Variants in AADAT observed in about 807,000 individuals in gnomAD.
The protein encoded by AADAT is aminoadipate aminotransferase, also known as kynurenine/alpha-aminoadipate aminotransferase, mitochondrial.
Under a neutral mutation model 56.2 loss-of-function variants are expected in AADAT, and 25 were observed. The ratio of observed to expected loss-of-function variants is 0.44; its 90% confidence interval spans 0.32 to 0.62. The LOEUF is 0.62. AADAT is among the 20% of genes least tolerant of loss of function. AADAT has a pLI of 0.04. For missense variants in AADAT, 387 were observed against 510.5 expected, an observed-to-expected ratio of 0.76 and a Z score of 2.33; for synonymous variants, 173 against 164.7, an observed-to-expected ratio of 1.05 and a Z score of -0.39.
intron 4 of AADAT, among the ~76,000 whole-genome samples, chr4:170,077,851 T>C (rs967891505): frequency 1.2e-4 from 19 of 152,362 alleles, no homozygotes; most frequent in African/African-American, 4.6e-4. Flanking sequence ...TTGAGTCTTT[T>C]CTTTCTGGGG....
intron 1 of AADAT, 88 bp from the exon 2 acceptor site, chr4:170,088,652 T>C: frequency 7.3e-7 from 1 of 1,375,420 alleles, no homozygotes; most frequent in African/African-American, 1.4e-5. Flanking sequence ...AATAAAACTA[T>C]AAAGTTTAAC....
chr4:170,091,976 A>C (rs937774610), upstream of AADAT, among the ~76,000 whole-genome samples: 1 of 152,208 alleles, frequency 6.6e-6, no homozygotes, highest in Admixed American at 6.5e-5. Flanking sequence ...GTATCTAACT[A>C]ATCTAGTGGG....
rs1179017809 is a variant in AADAT, at chr4:170,069,178, G to T, written c.773C>A (p.Ala258Asp). The T allele has an allele frequency of 6.2e-7, 1 of 1,613,928 alleles. No individual in the cohort carries two copies. The highest frequency in any genetic ancestry group is 8.5e-7 in the Non-Finnish European group (1 of 1,179,924). The change falls in exon 7 of 13, where the codon GCT (alanine) becomes GAT (aspartate). Residue 258 changes from alanine (A) to aspartate (D), a missense_variant. Physicochemically the swap from Ala to Asp is moderately radical, Grantham distance 126. Transcript: ENST00000337664. Reference sequence around the variant, plus strand: ...GGAAATGATTTTTGAAAAAGAGTCAGCTCTGATGACACGTCCATCAACATC... The same window carrying T: ...GGAAATGATTTTTGAAAAAGAGTCATCTCTGATGACACGTCCATCAACATC... ...SMDVDGRVIR[A>D]DSFSKIISSG...
upstream of AADAT, among the ~76,000 whole-genome samples, chr4:170,093,305 C>T (rs992446451): frequency 5.3e-5 from 8 of 152,184 alleles, no homozygotes; most frequent in East Asian, 1.9e-4. Flanking sequence ...TGGCAGATGC[C>T]TGTAATCTCA....
chr4:170,080,797 G>C (rs1293898959), intron 3 of AADAT, among the ~76,000 whole-genome samples: 2 of 152,072 alleles, frequency 1.3e-5, no homozygotes, highest in Admixed American at 1.3e-4. Flanking sequence ...GATTTACTAA[G>C]CAAATATATC....
At chr4:170,077,772 A>G (rs536133611) in intron 4 of AADAT, among the ~76,000 whole-genome samples, 6 of 152,330 alleles carry the variant, frequency 3.9e-5, no homozygotes, top group Middle Eastern at 3.4e-3. Context: ...AAGGTCATGT[A>G]CAAATAAATC....
In AADAT at chr4:170,062,290, C is replaced by T. The variant is rs1009908985; in HGVS notation, c.1135-297G>A. Among the ~76,000 whole-genome samples the T allele has an allele frequency of 1.3e-4, 20 of 152,164 alleles. 1 individual carries two copies. On this transcript the variant is annotated intron_variant, in intron 11 of 12. Transcript: ENST00000337664. ...AATTTCAGCTTTAATGTAGAAAGGA[C>T]AGCTTCCTAAAGAAAGATAAATGGT...
intron 4 of AADAT, among the ~76,000 whole-genome samples, chr4:170,075,826 A>G (rs1298805922): frequency 3.3e-5 from 5 of 152,244 alleles, no homozygotes; most frequent in Admixed American, 3.3e-4. Flanking sequence ...GATGTTTCAT[A>G]TAATTGGAAT....
In AADAT at chr4:170,064,904, T is replaced by G. The variant is rs1188887304; in HGVS notation, c.1028-79A>C. On this transcript the variant is annotated intron_variant, in intron 10 of 12. Coordinates refer to ENST00000337664, the MANE Select transcript of AADAT (RefSeq NM_016228.4). ...TATCAAAGTGTGTTGTTAAATGGCA[T>G]AAGTATAGTAAGTAGAAACTAGTAT... 3 of 1,169,106 alleles carry G rather than the reference T, an allele frequency of 2.6e-6. No individual in the cohort carries two copies. In the African/African-American group the frequency reaches 4.8e-5, roughly 19 times the overall value. The allele number at this position is 1,169,106 out of a possible 1,614,324, so 72.4% of individuals were successfully genotyped here.
At chr4:170,094,191 G>A (rs972337966), upstream of AADAT, among the ~76,000 whole-genome samples, 2 of 152,218 alleles carry the variant, frequency 1.3e-5, no homozygotes, top group African/African-American at 4.8e-5. Context: ...AGGGGCACTG[G>A]GGGGTCATGA....
chr4:170,074,364 C>T (rs1460379206), intron 4 of AADAT, among the ~76,000 whole-genome samples: 1 of 151,896 alleles, frequency 6.6e-6, no homozygotes, highest in African/African-American at 2.4e-5. Context: ...CTTCCTGACT[C>T]CCCCCAGCAG....
Position 170,089,875 on chromosome 4 carries a change from G to T in AADAT, c.-185C>A. Reference sequence around the variant, plus strand: ...GAACGCCGCCGAAACTCCCCGGCTGGACGCTGCGTTCGGTCTCCCGGTCCT... The same window carrying T: ...GAACGCCGCCGAAACTCCCCGGCTGTACGCTGCGTTCGGTCTCCCGGTCCT... On this transcript the variant is annotated 5_prime_UTR_variant, in exon 1 of 13. Transcript: ENST00000337664. 1.6e-6 allele frequency: 1 copy of T among 620,820 alleles called. No individual in the cohort carries two copies. The highest frequency in any genetic ancestry group is 2.8e-5 in the Admixed American group (1 of 35,932). 38.5% of individuals were successfully genotyped at this position (620,820 alleles called of 1,614,324 possible).
At chr4:170,090,257 C>T (rs1024278949), upstream of AADAT, 1 of 152,218 alleles carries the variant, frequency 6.6e-6, no homozygotes, top group Non-Finnish European at 1.5e-5. Flanking sequence ...GATCCTAATC[C>T]TCGGGAACCA....
At chr4:170,088,199 C>T (rs1466007096) in intron 2 of AADAT, among the ~76,000 whole-genome samples, 197 bp downstream of exon 2, 1 of 151,846 alleles carries the variant, frequency 6.6e-6, no homozygotes, top group Non-Finnish European at 1.5e-5. Context: ...TTCCCCAGAC[C>T]TTCCTAACCA....
Position 170,069,141 on chromosome 4 carries a change from G to A in AADAT, c.803+7C>T, listed in dbSNP as rs775047106. 6 of 1,612,390 alleles carry A rather than the reference G, an allele frequency of 3.7e-6. No individual in the cohort carries two copies. The Admixed American group carries it at 6.7e-5, about 18-fold the overall frequency. On this transcript the variant is annotated splice_region_variant and intron_variant, in intron 7 of 12. Transcript: ENST00000337664. The stretch of plus-strand genomic sequence containing the variant: ...TCTAGCGTCAAGTTAGAGACACAGG[G>A]CCTTACCCAGAGGAAATGATTTTTG...
At chr4:170,091,425 C>G (rs143078293), upstream of AADAT, among the ~76,000 whole-genome samples, 6 of 152,206 alleles carry the variant, frequency 3.9e-5, no homozygotes, top group African/African-American at 1.4e-4. Flanking sequence ...GGCTCACCGG[C>G]GCTACCTTCG....
In AADAT at chr4:170,088,388, ATACT is replaced by A. The variant is rs1732666323; in HGVS notation, c.236+4_236+7del. On this transcript the variant is annotated splice_donor_5th_base_variant and intron_variant, in intron 2 of 12. Transcript: ENST00000337664. ...GCCAATAAAATTATGTTAAGTATTG[ATACT>A]TACCCAGCACTCGGAGAATACTGAA... 6.3e-7 allele frequency: 1 copy of A among 1,583,028 alleles called. No homozygotes were observed. Among genetic ancestry groups the A allele is most frequent in the African/African-American group, 1.3e-5 (1 of 74,410 alleles).
intron 4 of AADAT, among the ~76,000 whole-genome samples, chr4:170,076,750 G>C (rs1732055638): frequency 6.6e-6 from 1 of 152,090 alleles, no homozygotes; most frequent in Non-Finnish European, 1.5e-5. Context: ...TTTTGTGGTT[G>C]TCGTTGCTCA....
chr4:170,078,075 C>T (rs111568392), intron 4 of AADAT, among the ~76,000 whole-genome samples: 27 of 152,188 alleles, frequency 1.8e-4, no homozygotes, highest in African/African-American at 6.0e-4. Flanking sequence ...CACAGTTCCA[C>T]GGATCTAACC....
Sources: allele counts gnomAD v4.1 joint callset (sites outside exome capture counted in the v4.1 genomes callset), GRCh38; gene constraint gnomAD v4.1.1; transcripts MANE v1.5; gene names NCBI Gene and HGNC (gene_info 2026-07-23, HGNC 2026-07-21).